CHST9: variants seen among roughly 807,000 people sequenced by gnomAD.
CHST9 encodes the protein carbohydrate sulfotransferase 9.
A neutral mutation model predicts 44.4 loss-of-function variants in CHST9; 41 were observed. That is an observed-to-expected ratio of 0.92 (90% CI 0.72 to 1.20). The LOEUF (loss-of-function observed/expected upper bound fraction) is 1.20, where lower values mean the gene tolerates loss of function less well. Among genes scored for constraint, CHST9 ranks in the 50% most tolerant of loss-of-function variants. The pLI, the probability that CHST9 is intolerant of heterozygous loss-of-function variation, is 0.00. For missense variants in CHST9, 504 were observed against 516.5 expected (o/e 0.98, Z 0.23); for synonymous variants, 171 against 178.4 (o/e 0.96, Z 0.33).
At chr18:27,065,729 G>C (rs1000652272) in intron 2 of CHST9, among the ~76,000 whole-genome samples, 1 of 151,828 alleles carries the variant, frequency 6.6e-6, no homozygotes, top group Non-Finnish European at 1.5e-5. Context: ...CAATCAATAA[G>C]AAATTCCCTT....
At chr18:26,988,597 G>A (rs749693162) in intron 4 of CHST9, among the ~76,000 whole-genome samples, 1 of 152,126 alleles carries the variant, frequency 6.6e-6, no homozygotes, top group Non-Finnish European at 1.5e-5. Context: ...CATAATTGCT[G>A]TCAGAGAACT....
chr18:27,039,385 T>G (rs887538268), intron 3 of CHST9, among the ~76,000 whole-genome samples: 2 of 152,170 alleles, frequency 1.3e-5, no homozygotes, highest in African/African-American at 2.4e-5. Context: ...AATTTGATGT[T>G]ATGAAATTAG....
chr18:26,951,632 C>G (rs1272956017), intron 4 of CHST9, among the ~76,000 whole-genome samples: 1 of 152,126 alleles, frequency 6.6e-6, no homozygotes, highest in East Asian at 1.9e-4. Context: ...TTTACTCTCT[C>G]AAACCATAAA....
Position 27,156,257 on chromosome 18 carries a change from A to G in CHST9, c.-96-13352T>C, listed in dbSNP as rs143469711. Among the ~76,000 whole-genome samples, 690 of 152,144 alleles carry G rather than the reference A, an allele frequency of 4.5e-3. 4 individuals are homozygous for G. Among genetic ancestry groups the G allele is most frequent in the African/African-American group, 0.015 (613 of 41,566 alleles). ...ATCAAAAAGGACCAAAGGGTTCTGA[A>G]GAAAGGAATTGAAAGATGAGAAATG... On this transcript the variant is annotated intron_variant, in intron 1 of 5. Transcript: ENST00000618847.
intron 2 of CHST9, among the ~76,000 whole-genome samples, chr18:27,090,234 T>C (rs955129216): frequency 2.0e-5 from 3 of 152,244 alleles, no homozygotes; most frequent in Non-Finnish European, 4.4e-5. Context: ...GTTGGCTGCA[T>C]AGATATCTTC....
chr18:27,053,733 G>A (rs925420757), intron 2 of CHST9, among the ~76,000 whole-genome samples: 2 of 152,110 alleles, frequency 1.3e-5, no homozygotes, highest in Non-Finnish European at 2.9e-5. Context: ...TCACAGAGAG[G>A]AGTTAGCCAT....
At chr18:27,133,953 G>A (rs556675196) in intron 2 of CHST9, among the ~76,000 whole-genome samples, 2 of 152,302 alleles carry the variant, frequency 1.3e-5, no homozygotes, top group Admixed American at 1.3e-4. Flanking sequence ...CACACTTACA[G>A]ATATAGGAGA....
At chr18:26,998,947 G>C (rs1191589414) in intron 4 of CHST9, among the ~76,000 whole-genome samples, 2 of 152,132 alleles carry the variant, frequency 1.3e-5, no homozygotes, top group Admixed American at 1.3e-4. Context: ...TGGCACCGAT[G>C]GGTTTTTCTC....
At chr18:26,966,329 T>C (rs2056464040) in intron 4 of CHST9, among the ~76,000 whole-genome samples, 1 of 152,242 alleles carries the variant, frequency 6.6e-6, no homozygotes, top group Non-Finnish European at 1.5e-5. Flanking sequence ...TTAGAAAAGA[T>C]CAGGCACAGC....
intron 2 of CHST9, among the ~76,000 whole-genome samples, chr18:27,085,332 C>A (rs774781392): frequency 6.6e-6 from 1 of 152,116 alleles, no homozygotes; most frequent in Non-Finnish European, 1.5e-5. Flanking sequence ...AGAAAGCAGA[C>A]AACCTACAGA....
chr18:27,053,412 A>C (rs1353500313), intron 2 of CHST9, among the ~76,000 whole-genome samples: 1 of 151,524 alleles, frequency 6.6e-6, no homozygotes, highest in African/African-American at 2.4e-5. Flanking sequence ...CCAAATATAA[A>C]ACCTAGGAAC....
rs745624138 is a variant in CHST9, at chr18:26,917,334, A to G, written c.257T>C (p.Met86Thr). The change falls in exon 6 of 6, where the codon ATG (methionine) becomes ACG (threonine). Residue 86 changes from methionine (M) to threonine (T), a missense_variant. Physicochemically the swap from Met to Thr is moderately conservative, Grantham distance 81. Coordinates refer to ENST00000618847, the MANE Select transcript of CHST9 (RefSeq NM_031422.6). The part of the protein sequence containing the change: ...HITNQNPKFH[M>T]PEDVREKKEN... Reference sequence around the variant, plus strand: ...CTTTTTTTCTCGTACATCCTCAGGCATGTGAAACTTGGGGTTCTGTTAAAA... The same window carrying G: ...CTTTTTTTCTCGTACATCCTCAGGCGTGTGAAACTTGGGGTTCTGTTAAAA... 5 of 1,610,674 alleles carry G rather than the reference A, an allele frequency of 3.1e-6. No individual in the cohort carries two copies. In the Admixed American group the frequency reaches 8.4e-5, roughly 27 times the overall value.
Position 26,945,417 on chromosome 18 carries a change from C to G in CHST9, c.203-1051G>C, listed in dbSNP as rs537768070. ...TTGTCCACTACACTACATCACTCCC[C>G]TCCACCTCCATGCTTTCCCTAAACC... On this transcript the variant is annotated intron_variant, in intron 4 of 5. Transcript: ENST00000618847. Among the ~76,000 whole-genome samples the G allele has an allele frequency of 3.3e-5, 5 of 152,310 alleles. No individual in the cohort carries two copies. In the South Asian group the frequency reaches 1.0e-3, roughly 32 times the overall value.
At chr18:26,953,624 T>A (rs2056281790) in intron 4 of CHST9, among the ~76,000 whole-genome samples, 1 of 152,134 alleles carries the variant, frequency 6.6e-6, no homozygotes, top group Admixed American at 6.5e-5. Flanking sequence ...TGAAAGAAAT[T>A]GGTAACAAAT....
At chr18:27,166,405 C>T (rs1187046229) in intron 1 of CHST9, among the ~76,000 whole-genome samples, 1 of 152,144 alleles carries the variant, frequency 6.6e-6, no homozygotes, top group Non-Finnish European at 1.5e-5. Flanking sequence ...TTCTTAAGAA[C>T]TAGCTGCATT....
intron 4 of CHST9, among the ~76,000 whole-genome samples, chr18:26,988,010 G>T (rs189236282): frequency 2.4e-3 from 360 of 152,082 alleles, no homozygotes; most frequent in Middle Eastern, 3.4e-3. Context: ...TAAAATAACT[G>T]AAAAGTAGAC....
At chr18:27,154,767 C>A (rs1435304708) in intron 1 of CHST9, among the ~76,000 whole-genome samples, 1 of 152,014 alleles carries the variant, frequency 6.6e-6, no homozygotes, top group East Asian at 1.9e-4. Context: ...CACTTACTAG[C>A]TTTGTGACAC....
In CHST9 at chr18:26,917,081, T is replaced by G; in HGVS notation, c.510A>C (p.Lys170Asn). ...KSLVKDNKWK[K>N]TEETQEKRRS... is the part of the protein sequence containing the mutation. ...TTCGTTTCTCTTGGGTCTCCTCAGTTTTCTTCCATTTATTATCTTTGACTA... is the reference window on the plus strand; with the variant it reads ...TTCGTTTCTCTTGGGTCTCCTCAGTGTTCTTCCATTTATTATCTTTGACTA... The change falls in exon 6 of 6, where the codon AAA becomes AAC. Residue 170 changes from lysine to asparagine, a missense_variant. Lys to Asn is a moderately conservative substitution (Grantham distance 94). Coordinates refer to ENST00000618847, the MANE Select transcript of CHST9 (RefSeq NM_031422.6). 1 of 1,613,972 alleles carries G rather than the reference T, an allele frequency of 6.2e-7. No individual in the cohort carries two copies. Among genetic ancestry groups the G allele is most frequent in the Non-Finnish European group, 8.5e-7 (1 of 1,179,900 alleles).
chr18:27,053,256 A>AAGAAGGAGAAGGAGAAGGAGAAGG (rs1222225670), intron 2 of CHST9, among the ~76,000 whole-genome samples: 9 of 80,588 alleles, frequency 1.1e-4, no homozygotes, highest in African/African-American at 2.2e-4. Context: ...GAAGAAGAAG[A>AAGAAGGAGAAGGAGAAGGAGAAGG]AGAAGGAGAA....
Sources: allele counts gnomAD v4.1 joint callset (sites outside exome capture counted in the v4.1 genomes callset), GRCh38; gene constraint gnomAD v4.1.1; transcripts MANE v1.5; gene names NCBI Gene and HGNC (gene_info 2026-07-23, HGNC 2026-07-21).